Variants in STARD13 observed in about 807,000 individuals in gnomAD.
The protein encoded by STARD13 is stAR-related lipid transfer protein 13.
In STARD13, 62 loss-of-function variants were observed where a neutral mutation model predicts 106.4. That is an observed-to-expected ratio of 0.58 (90% CI 0.48 to 0.72). The LOEUF is 0.72. Ranked by LOEUF, STARD13 falls within the 30% of genes least tolerant of loss-of-function variation. The pLI is 0.00. For synonymous variants in STARD13, 565 were observed against 553.0 expected, an observed-to-expected ratio of 1.02 and a Z score of -0.31; for missense variants, 1,387 against 1,424.0, an observed-to-expected ratio of 0.97 and a Z score of 0.42.
At chr13:33,449,173 G>A in the STARD13 span, among the ~76,000 whole-genome samples, 2 of 151,808 alleles carry the variant, frequency 1.3e-5, no homozygotes, top group Non-Finnish European at 2.9e-5. Flanking sequence ...AAATCCTGGT[G>A]TAGGATATTT....
the STARD13 span, among the ~76,000 whole-genome samples, chr13:33,412,497 G>A: frequency 5.3e-5 from 8 of 152,116 alleles, no homozygotes; most frequent in Admixed American, 5.2e-4. Context: ...ATTGAACATA[G>A]TGATCTAAAT....
chr13:33,194,239 T>C (rs1886456434), intron 1 of STARD13, among the ~76,000 whole-genome samples: 1 of 152,204 alleles, frequency 6.6e-6, no homozygotes, highest in Non-Finnish European at 1.5e-5. Flanking sequence ...TATTTTTATT[T>C]GATGATATTT....
intron 1 of STARD13, among the ~76,000 whole-genome samples, chr13:33,218,191 G>A (rs1039009719): frequency 6.6e-6 from 1 of 152,192 alleles, no homozygotes; most frequent in East Asian, 1.9e-4. Flanking sequence ...AGGAATGCGT[G>A]TTCAGAGTTC....
At chr13:33,153,512 T>C (rs1047304037) in intron 3 of STARD13, among the ~76,000 whole-genome samples, 2 of 151,888 alleles carry the variant, frequency 1.3e-5, no homozygotes, top group African/African-American at 4.8e-5. Context: ...GTGCCCTGAG[T>C]ATTGCAGGGT....
At chr13:33,140,415 T>G (rs1251584037) in intron 4 of STARD13, among the ~76,000 whole-genome samples, 1 of 152,248 alleles carries the variant, frequency 6.6e-6, no homozygotes, top group Non-Finnish European at 1.5e-5. Context: ...ATAGTGTGTA[T>G]GCTTCTCAAG....
the STARD13 span, among the ~76,000 whole-genome samples, chr13:33,622,593 C>A: frequency 8.6e-5 from 10 of 115,792 alleles, no homozygotes; most frequent in Non-Finnish European, 4.9e-5. Context: ...CCAGTCTCGG[C>A]GACAGAGCGA....
chr13:33,543,393 C>T, the STARD13 span, among the ~76,000 whole-genome samples: 4 of 152,208 alleles, frequency 2.6e-5, no homozygotes, highest in East Asian at 5.8e-4. Flanking sequence ...AATGTAGATT[C>T]GTTTGCATGT....
At chr13:33,667,436 G>C in the STARD13 span, among the ~76,000 whole-genome samples, 1 of 152,188 alleles carries the variant, frequency 6.6e-6, no homozygotes, top group African/African-American at 2.4e-5. Flanking sequence ...CAGAACTCAT[G>C]TACTCATTTT....
At chr13:33,319,459 T>C (rs1046185412) in intron 1 of STARD13, among the ~76,000 whole-genome samples, 1 of 152,208 alleles carries the variant, frequency 6.6e-6, no homozygotes, top group African/African-American at 2.4e-5. Flanking sequence ...TAAATAGTGA[T>C]GATGGTTGCA....
At chr13:33,455,225 C>T in the STARD13 span, among the ~76,000 whole-genome samples, 6,324 of 152,304 alleles carry the variant, frequency 0.042, 196 homozygotes, top group Non-Finnish European at 0.067. Context: ...AGACACAAGC[C>T]TCAGACTCTG....
intron 1 of STARD13, among the ~76,000 whole-genome samples, chr13:33,315,249 C>A (rs1309615212): frequency 6.6e-6 from 1 of 152,164 alleles, no homozygotes; most frequent in Non-Finnish European, 1.5e-5. Context: ...CACGTGAAAG[C>A]TCCTGGCAAA....
the STARD13 span, among the ~76,000 whole-genome samples, chr13:33,571,612 C>G: frequency 6.6e-6 from 1 of 152,112 alleles, no homozygotes; most frequent in Non-Finnish European, 1.5e-5. Flanking sequence ...TATTCTATAT[C>G]CTATATTCAA....
At chr13:33,389,775 A>C in the STARD13 span, among the ~76,000 whole-genome samples, 1 of 152,202 alleles carries the variant, frequency 6.6e-6, no homozygotes, top group South Asian at 2.1e-4. Flanking sequence ...TGAATTTACT[A>C]CATTAATTTC....
chr13:33,449,233 TG>T, the STARD13 span, among the ~76,000 whole-genome samples: 1 of 152,192 alleles, frequency 6.6e-6, no homozygotes, highest in Non-Finnish European at 1.5e-5. Context: ...TTTGTAGTTT[TG>T]GGTCTTACAT....
At chr13:33,666,975 T>G in the STARD13 span, among the ~76,000 whole-genome samples, 2 of 152,242 alleles carry the variant, frequency 1.3e-5, no homozygotes, top group Non-Finnish European at 2.9e-5. Flanking sequence ...TTGGGACAAA[T>G]GCTGTGAAGA....
chr13:33,638,302 T>TAGTGAGACATAAGACATA, the STARD13 span, among the ~76,000 whole-genome samples: 1 of 152,122 alleles, frequency 6.6e-6, no homozygotes, highest in Non-Finnish European at 1.5e-5. Context: ...CAATACATTT[T>TAGTGAGACATAAGACATA]AGTGAGACAT....
At chr13:33,551,568 CCTTTTTTTTTTTTT>C in the STARD13 span, among the ~76,000 whole-genome samples, 21 of 44,792 alleles carry the variant, frequency 4.7e-4, 2 homozygotes, top group African/African-American at 1.4e-3. Flanking sequence ...TTTGCTTTTC[CCTTTTTTTTTTTTT>C]TTTTTTTTTT....
At chr13:33,403,818 T>C in the STARD13 span, among the ~76,000 whole-genome samples, 44 of 152,236 alleles carry the variant, frequency 2.9e-4, no homozygotes, top group South Asian at 7.1e-3. Flanking sequence ...ACATAGAAAA[T>C]ATTCCACAAT....
chr13:33,165,463 A>C, intron 2 of STARD13, 45 bp from the exon 3 acceptor site: 1 of 1,424,308 alleles, frequency 7.0e-7, no homozygotes, highest in Non-Finnish European at 9.9e-7. Flanking sequence ...GTTTTATCTG[A>C]ATGAGCACCA....
Sources: allele counts gnomAD v4.1 joint callset (sites outside exome capture counted in the v4.1 genomes callset), GRCh38; gene constraint gnomAD v4.1.1; transcripts MANE v1.5; gene names NCBI Gene and HGNC (gene_info 2026-07-23, HGNC 2026-07-21).